LRP2: variants seen among roughly 807,000 people sequenced by gnomAD.
LRP2 encodes the protein LDL receptor related protein 2.
LRP2 carries 172 observed loss-of-function variants against 531.0 expected under a neutral mutation model. The observed-to-expected ratio is 0.32, with a 90% CI of 0.29 to 0.37. The LOEUF is 0.37. Ranked by LOEUF, LRP2 falls within the 10% of genes least tolerant of loss-of-function variation. LRP2 has a pLI of 1.00. For synonymous variants in LRP2, 1,992 were observed against 2,027.6 expected (o/e 0.98, Z 0.47); for missense variants, 5,167 against 5,868.3 (o/e 0.88, Z 3.90).
Position 169,362,311 on chromosome 2 carries a change from G to A in LRP2, c.79+10C>T. 10 of 1,555,302 alleles carry A rather than the reference G, an allele frequency of 6.4e-6. No homozygotes were observed. Among genetic ancestry groups the A allele is most frequent in the Non-Finnish European group, 7.8e-6 (9 of 1,149,992 alleles). ...GGGGGCTCCACGAGAGGCTCTGGCT[G>A]GGCTCTTACCTTGGCCACTGGCCGG... On this transcript the variant is annotated intron_variant, in intron 1 of 78. Transcript: ENST00000649046.
chr2:169,284,178 TC>T (rs1282662722), intron 9 of LRP2, among the ~76,000 whole-genome samples: 1 of 152,008 alleles, frequency 6.6e-6, no homozygotes, highest in African/African-American at 2.4e-5. Context: ...GTTCAACCAT[TC>T]CTGCTGGGTG....
Position 169,203,839 on chromosome 2 carries a change from T to G in LRP2, c.8005+143A>C, listed in dbSNP as rs528543711. The G allele has an allele frequency of 1.3e-3, 1,054 of 805,410 alleles. 24 individuals carry two copies. In the South Asian group the frequency reaches 0.016, roughly 12 times the overall value. The allele number at this position is 805,410 out of a possible 1,614,324, so 49.9% of individuals were successfully genotyped here. ...AGCCTGCCAAGTCTTCCTCTCAAAA[T>G]ATAGCCCCAGGTCTGTTTCATAAAT... On this transcript the variant is annotated intron_variant, in intron 42 of 78. Coordinates refer to ENST00000649046, the MANE Select transcript of LRP2 (RefSeq NM_004525.3).
intron 76 of LRP2, among the ~76,000 whole-genome samples, chr2:169,136,991 G>A (rs765702182): frequency 2.0e-5 from 3 of 152,150 alleles, no homozygotes; most frequent in Non-Finnish European, 4.4e-5. Flanking sequence ...AGTGGGCCCC[G>A]TCCCCAAATT....
rs1176983985 is a variant in LRP2, at chr2:169,254,394, C to G, written c.2770+1712G>C. On this transcript the variant is annotated intron_variant, in intron 19 of 78. Coordinates refer to ENST00000649046, the MANE Select transcript of LRP2 (RefSeq NM_004525.3). ...CATTCTCAGTAAACTATCGCAAGAA[C>G]AAAAAACCAAACACTGCATATTCTC... Among the ~76,000 whole-genome samples the G allele has an allele frequency of 4.0e-5, 3 of 75,596 alleles. 1 individual carries two copies. Among genetic ancestry groups the G allele is most frequent in the Non-Finnish European group, 7.0e-5 (3 of 42,642 alleles). The allele number at this position is 75,596 out of a possible 152,430, so 49.6% of individuals were successfully genotyped here.
chr2:169,306,530 T>C (rs923377432), intron 4 of LRP2, among the ~76,000 whole-genome samples: 12 of 152,094 alleles, frequency 7.9e-5, no homozygotes, highest in African/African-American at 2.7e-4. Flanking sequence ...TGAAACTCCT[T>C]CTCAAAAATA....
rs184680179 is a variant in LRP2, at chr2:169,180,364, T to C, written c.10169+1084A>G. On this transcript the variant is annotated intron_variant, in intron 52 of 78. Transcript: ENST00000649046. Reference sequence around the variant, plus strand: ...TGGTATAAGTAAACTAGAAATAATATTGTACTGCTTCTAATTAAAGTTAGT... The same window carrying C: ...TGGTATAAGTAAACTAGAAATAATACTGTACTGCTTCTAATTAAAGTTAGT... Among the ~76,000 whole-genome samples the C allele has an allele frequency of 3.8e-3, 584 of 152,360 alleles. 1 individual carries two copies. The highest frequency in any genetic ancestry group is 0.013 in the African/African-American group (541 of 41,576).
chr2:169,139,285 C>CGCT lies in LRP2; in HGVS notation c.13353_13354insAGC (p.Thr4451_Gly4452insSer). The stretch of plus-strand genomic sequence containing the variant: ...TTGGGCAGAGCAGGCAAAAGGGAGC[C>CGCT]GGTCCTTCTATAGTGGAAGAATCCT... On this transcript the variant is annotated inframe_insertion, in exon 74 of 79. Coordinates refer to ENST00000649046, the MANE Select transcript of LRP2 (RefSeq NM_004525.3). 6.2e-7 allele frequency: 1 copy of CGCT among 1,614,142 alleles called. No homozygotes were observed. Among genetic ancestry groups the CGCT allele is most frequent in the Non-Finnish European group, 8.5e-7 (1 of 1,180,020 alleles).
At chr2:169,333,978 T>C (rs935231493) in intron 1 of LRP2, among the ~76,000 whole-genome samples, 4 of 152,230 alleles carry the variant, frequency 2.6e-5, no homozygotes, top group African/African-American at 9.6e-5. Flanking sequence ...TCAACAATAT[T>C]ACATTGTCAC....
intron 31 of LRP2, among the ~76,000 whole-genome samples, chr2:169,227,605 TC>T (rs1689249415): frequency 6.6e-6 from 1 of 152,176 alleles, no homozygotes; most frequent in South Asian, 2.1e-4. Flanking sequence ...TACACAACTT[TC>T]ATAAGCTAAA....
At chr2:169,282,514 G>A (rs780036200) in intron 10 of LRP2, among the ~76,000 whole-genome samples, 27 of 152,234 alleles carry the variant, frequency 1.8e-4, no homozygotes, top group Middle Eastern at 6.8e-3. Context: ...GATAGTTGTC[G>A]CCTACTTTTG....
intron 4 of LRP2, among the ~76,000 whole-genome samples, chr2:169,296,147 CTT>C (rs539644325): frequency 5.3e-5 from 8 of 151,748 alleles, no homozygotes; most frequent in African/African-American, 1.9e-4. Flanking sequence ...CTCCAATGAT[CTT>C]TTTTTTGGTA....
At chr2:169,237,051 T>G (rs970766994) in intron 28 of LRP2, 52 bp downstream of exon 28, 2 of 1,461,234 alleles carry the variant, frequency 1.4e-6, no homozygotes, top group Admixed American at 3.3e-5. Flanking sequence ...ACTGTTGTTT[T>G]TCCCTCATCA....
chr2:169,187,776 G>GA (rs934381495), intron 49 of LRP2, among the ~76,000 whole-genome samples, 194 bp downstream of exon 49: 3 of 152,142 alleles, frequency 2.0e-5, no homozygotes, highest in Non-Finnish European at 4.4e-5. Context: ...TCTAAGCAAA[G>GA]AATTGGTCCA....
intron 35 of LRP2, among the ~76,000 whole-genome samples, chr2:169,215,134 A>G (rs2105345742): frequency 6.6e-6 from 1 of 152,318 alleles, no homozygotes; most frequent in Non-Finnish European, 1.5e-5. Flanking sequence ...CACACACATC[A>G]TCACTTCTTT....
At chr2:169,288,806 T>C (rs1464402770) in intron 9 of LRP2, among the ~76,000 whole-genome samples, 2 of 152,212 alleles carry the variant, frequency 1.3e-5, no homozygotes, top group Admixed American at 1.3e-4. Flanking sequence ...GCTAGTCAAC[T>C]CGCTCATGAC....
intron 19 of LRP2, 71 bp downstream of exon 19, chr2:169,256,035 T>G (rs1173403768): frequency 2.2e-5 from 34 of 1,513,934 alleles, no homozygotes; most frequent in Middle Eastern, 3.5e-4. Flanking sequence ...AAATGCCACA[T>G]GAGGATGAGT....
At chr2:169,205,424 G>T in intron 41 of LRP2, 55 bp downstream of exon 41, 1 of 1,591,312 alleles carries the variant, frequency 6.3e-7, no homozygotes, top group Non-Finnish European at 8.6e-7. Context: ...CTCTTCTTTG[G>T]AAATGGAAGA....
At chr2:169,272,811 T>C in intron 15 of LRP2, 116 bp downstream of exon 15, 1 of 1,368,162 alleles carries the variant, frequency 7.3e-7, no homozygotes, top group Non-Finnish European at 1.0e-6. Context: ...TTATTTGCAG[T>C]CAAGAAGTTA....
chr2:169,326,906 C>A (rs1188168153), intron 1 of LRP2, among the ~76,000 whole-genome samples: 1 of 151,486 alleles, frequency 6.6e-6, no homozygotes, highest in Non-Finnish European at 1.5e-5. Context: ...TGCCCGGCGG[C>A]GACCCCGTCT....
Sources: gnomAD v4.1 joint callset for allele counts (sites outside exome capture counted in the v4.1 genomes callset) on GRCh38, gnomAD v4.1.1 for gene constraint, MANE v1.5 for transcripts, NCBI Gene and HGNC (gene_info 2026-07-23, HGNC 2026-07-21) for gene names.